Variants in GPC5 observed in about 807,000 individuals in gnomAD.
GPC5 encodes glypican 5, also known as glypican-5.
A neutral mutation model predicts 53.9 loss-of-function variants in GPC5; 47 were observed. That is an observed-to-expected ratio of 0.87 (90% CI 0.69 to 1.11). The LOEUF is 1.11. Ranked by LOEUF, GPC5 falls within the 50% of genes most tolerant of loss-of-function variation. The probability of loss-of-function intolerance (pLI) is 0.00; values close to 1 mark genes in which losing one functional copy is unlikely to be tolerated. For synonymous variants in GPC5, 286 were observed against 263.3 expected, an observed-to-expected ratio of 1.09 and a Z score of -0.84; for missense variants, 748 against 713.1, an observed-to-expected ratio of 1.05 and a Z score of -0.56.
chr13:91,742,821 A>G (rs1353481762), intron 4 of GPC5, among the ~76,000 whole-genome samples: 1 of 152,170 alleles, frequency 6.6e-6, no homozygotes, highest in South Asian at 2.1e-4. Flanking sequence ...CTTAAGTTGC[A>G]TTATGATATT....
At chr13:92,178,982 GAATA>G (rs1014190203) in intron 7 of GPC5, among the ~76,000 whole-genome samples, 36 of 151,710 alleles carry the variant, frequency 2.4e-4, no homozygotes, top group African/African-American at 8.0e-4. Context: ...AAAAATAAAT[GAATA>G]AATAAATAAA....
chr13:91,559,528 T>C (rs561193150), intron 2 of GPC5, among the ~76,000 whole-genome samples: 2 of 152,312 alleles, frequency 1.3e-5, no homozygotes, highest in South Asian at 2.1e-4. Context: ...ATTAATTCAC[T>C]TCTTGCCAAA....
chr13:91,674,327 G>A (rs1255849839), intron 2 of GPC5, among the ~76,000 whole-genome samples: 2 of 151,256 alleles, frequency 1.3e-5, no homozygotes, highest in Non-Finnish European at 2.9e-5. Context: ...TCCATTGAAG[G>A]CCCAAGGCAA....
chr13:91,415,746 T>TG (rs201618062), intron 1 of GPC5, among the ~76,000 whole-genome samples: 1,601 of 8,962 alleles, frequency 0.18, 18 homozygotes, highest in African/African-American at 0.34. Context: ...TTTGCGGGGG[T>TG]GGGGGGGGTG....
intron 7 of GPC5, among the ~76,000 whole-genome samples, chr13:92,281,443 T>A (rs886072688): frequency 3.3e-5 from 5 of 152,204 alleles, no homozygotes; most frequent in Non-Finnish European, 7.4e-5. Flanking sequence ...ACAGACAGAC[T>A]GCCTCCTCAA....
chr13:92,321,631 AC>A (rs2043216632), intron 7 of GPC5, among the ~76,000 whole-genome samples: 1 of 151,944 alleles, frequency 6.6e-6, no homozygotes. Context: ...ATACATACAT[AC>A]ATACATACAT....
At chr13:92,718,582 G>A (rs193058857) in intron 7 of GPC5, among the ~76,000 whole-genome samples, 1 of 152,166 alleles carries the variant, frequency 6.6e-6, no homozygotes, top group East Asian at 1.9e-4. Context: ...GTGGAGTCAG[G>A]ATTATGAATA....
chr13:92,072,106 T>C (rs1317815194), intron 6 of GPC5, among the ~76,000 whole-genome samples: 2 of 146,730 alleles, frequency 1.4e-5, no homozygotes, highest in Admixed American at 1.4e-4. Flanking sequence ...AAATTCATTT[T>C]ATTGAATGAA....
At chr13:92,534,607 T>C (rs1397751647) in intron 7 of GPC5, among the ~76,000 whole-genome samples, 2 of 152,178 alleles carry the variant, frequency 1.3e-5, no homozygotes, top group African/African-American at 4.8e-5. Flanking sequence ...CCTGGACCTT[T>C]ACTGCAAAAT....
At chr13:92,402,988 A>G (rs1372172745) in intron 7 of GPC5, among the ~76,000 whole-genome samples, 1 of 152,168 alleles carries the variant, frequency 6.6e-6, no homozygotes, top group Non-Finnish European at 1.5e-5. Flanking sequence ...AAATCTTTCG[A>G]ACGATTACCT....
chr13:92,263,201 A>G (rs1241904682), intron 7 of GPC5, among the ~76,000 whole-genome samples: 2 of 152,176 alleles, frequency 1.3e-5, no homozygotes, highest in Non-Finnish European at 2.9e-5. Flanking sequence ...TATAAATGAT[A>G]CAACAGAAGA....
chr13:91,655,004 C>T (rs745996567), intron 2 of GPC5, among the ~76,000 whole-genome samples: 7 of 152,058 alleles, frequency 4.6e-5, no homozygotes, highest in Non-Finnish European at 8.8e-5. Context: ...GAATCAATGT[C>T]TCTGATTTTT....
chr13:92,755,230 C>A (rs907273169), intron 7 of GPC5, among the ~76,000 whole-genome samples: 1 of 140,418 alleles, frequency 7.1e-6, no homozygotes, highest in African/African-American at 2.7e-5. Context: ...TGAATGACTA[C>A]TGGGTACATA....
intron 2 of GPC5, among the ~76,000 whole-genome samples, chr13:91,534,989 C>T (rs1406281570): frequency 1.3e-5 from 2 of 152,146 alleles, no homozygotes; most frequent in Non-Finnish European, 2.9e-5. Flanking sequence ...CTTCCATGGC[C>T]TTGTGAACAA....
chr13:92,658,932 T>TTG (rs1555299949), intron 7 of GPC5: 7 of 134,046 alleles, frequency 5.2e-5, no homozygotes, highest in South Asian at 2.6e-4. Context: ...TTGTTTTTTT[T>TTG]TTTTTTTTTT....
intron 2 of GPC5, among the ~76,000 whole-genome samples, chr13:91,658,584 C>T (rs939965934): frequency 1.3e-5 from 2 of 152,158 alleles, no homozygotes; most frequent in Non-Finnish European, 2.9e-5. Flanking sequence ...ATTATAGTAT[C>T]TATGTTTAAT....
Position 92,088,025 on chromosome 13 carries a change from C to T in GPC5, c.1402-56805C>T, listed in dbSNP as rs558982046. Among the ~76,000 whole-genome samples the T allele has an allele frequency of 4.6e-5, 7 of 152,080 alleles. No homozygotes were observed. In the South Asian group the frequency reaches 1.5e-3, roughly 32 times the overall value. ...CCTCAAGTGATCCTCCCATCTAGGCCTCCCAAAGTCCTGGGATTACAGGTG... is the reference window on the plus strand; with the variant it reads ...CCTCAAGTGATCCTCCCATCTAGGCTTCCCAAAGTCCTGGGATTACAGGTG... On this transcript the variant is annotated intron_variant, in intron 6 of 7. Coordinates refer to ENST00000377067, the MANE Select transcript of GPC5 (RefSeq NM_004466.6).
At chr13:92,631,449 T>C (rs1416593946) in intron 7 of GPC5, among the ~76,000 whole-genome samples, 1 of 152,168 alleles carries the variant, frequency 6.6e-6, no homozygotes, top group Non-Finnish European at 1.5e-5. Flanking sequence ...GTAAAATTTG[T>C]CCAGAAATGC....
At position 91,749,436 on chromosome 13, in the gene GPC5, AT is replaced by A. The variant is rs1324232637; in HGVS notation, c.1155-6857del. 1.2e-4 allele frequency among the ~76,000 whole-genome samples: 18 copies of A among 152,350 alleles called. 1 individual carries two copies. Among genetic ancestry groups the A allele is most frequent in the Admixed American group, 7.2e-4 (11 of 15,302 alleles). On this transcript the variant is annotated intron_variant, in intron 4 of 7. Coordinates refer to ENST00000377067, the MANE Select transcript of GPC5 (RefSeq NM_004466.6). The stretch of plus-strand genomic sequence containing the variant: ...TTATCCAGTCTCCTATTGATGGACA[AT>A]TAGGTTGATTCCATGTCTTTGTTTC...
Sources: allele counts gnomAD v4.1 joint callset (sites outside exome capture counted in the v4.1 genomes callset), GRCh38; gene constraint gnomAD v4.1.1; transcripts MANE v1.5; gene names NCBI Gene and HGNC (gene_info 2026-07-23, HGNC 2026-07-21).